RBM6: variants seen among roughly 807,000 people sequenced by gnomAD.
The protein encoded by RBM6 is RNA-binding protein 6.
RBM6 carries 23 observed loss-of-function variants against 140.4 expected under a neutral mutation model. The observed-to-expected ratio is 0.16, with a 90% confidence interval of 0.12 to 0.23. The LOEUF (loss-of-function observed/expected upper bound fraction) is 0.23, where lower values mean the gene tolerates loss of function less well. Among genes scored for constraint, RBM6 ranks in the 10% least tolerant of loss-of-function variants. The pLI is 1.00. For missense variants in RBM6, 1,139 were observed against 1,386.7 expected (o/e 0.82, Z 2.84); for synonymous variants, 439 against 475.6 (o/e 0.92, Z 1.00).
chr3:49,972,263 G>T (rs1419090802), intron 4 of RBM6, 115 bp downstream of exon 4: 1 of 797,632 alleles, frequency 1.3e-6, no homozygotes, highest in Non-Finnish European at 2.0e-6. Flanking sequence ...GAGAAGTCTT[G>T]TGTATTTTTT....
chr3:49,992,325 A>G (rs747400451), intron 5 of RBM6, among the ~76,000 whole-genome samples: 11 of 152,176 alleles, frequency 7.2e-5, no homozygotes, highest in Non-Finnish European at 1.2e-4. Context: ...AAAAATGTTT[A>G]TGGGCCATGT....
chr3:50,048,283 G>A lies in RBM6; in HGVS notation c.1596G>A (p.Glu532=), dbSNP rs201282478. 3.3e-5 allele frequency: 54 copies of A among 1,613,262 alleles called. No individual in the cohort carries two copies. The highest frequency in any genetic ancestry group is 4.2e-5 in the Non-Finnish European group (49 of 1,179,758). The change falls in exon 7 of 21, where the codon GAG becomes GAA. Residue 532 remains glutamate (E), a synonymous_variant. Transcript: ENST00000266022. ...LMIQDKEVTL[E]YVSSLDFWYC... The stretch of plus-strand genomic sequence containing the variant: ...TCCAGGACAAAGAAGTTACCCTGGA[G>A]TATGTATCAAGCCTGGATTTTTGGT...
chr3:50,066,162 G>A (rs913856138), intron 16 of RBM6, 80 bp from the exon 17 acceptor site: 2 of 1,407,754 alleles, frequency 1.4e-6, no homozygotes, highest in South Asian at 2.9e-5. Context: ...GAAATGAGAT[G>A]CCCATATCAG....
At chr3:49,958,072 G>A (rs1414413072) in intron 1 of RBM6, among the ~76,000 whole-genome samples, 1 of 152,046 alleles carries the variant, frequency 6.6e-6, no homozygotes, top group African/African-American at 2.4e-5. Context: ...CCTCAGGTGT[G>A]AGCCACCGCA....
intron 5 of RBM6, among the ~76,000 whole-genome samples, chr3:49,980,113 T>C (rs1285459835): frequency 3.9e-5 from 6 of 152,000 alleles, no homozygotes; most frequent in Non-Finnish European, 8.8e-5. Context: ...CAATTCTGCC[T>C]GCCTTAACTT....
intron 6 of RBM6, among the ~76,000 whole-genome samples, chr3:50,039,892 T>G (rs1464380024): frequency 1.3e-5 from 2 of 152,182 alleles, no homozygotes; most frequent in African/African-American, 2.4e-5. Flanking sequence ...ATTTTGCCTC[T>G]TTGTTTTTGC....
Position 50,036,996 on chromosome 3 carries a change from G to A in RBM6, c.1558-11249G>A, listed in dbSNP as rs541381566. On this transcript the variant is annotated intron_variant, in intron 6 of 20. Coordinates refer to ENST00000266022, the MANE Select transcript of RBM6 (RefSeq NM_005777.3). ...AGACGGGGCTTCACCATGTTGGCCAGTATGGTCTCGATCTCTTGACCTCGT... is the reference window on the plus strand; with the variant it reads ...AGACGGGGCTTCACCATGTTGGCCAATATGGTCTCGATCTCTTGACCTCGT... 2.6e-5 allele frequency among the ~76,000 whole-genome samples: 4 copies of A among 152,138 alleles called. No individual in the cohort carries two copies. In the South Asian group the frequency reaches 8.3e-4, roughly 32 times the overall value.
intron 6 of RBM6, among the ~76,000 whole-genome samples, chr3:50,039,125 AGAATTCT>A (rs750850951): frequency 1.1e-4 from 16 of 152,210 alleles, no homozygotes; most frequent in Non-Finnish European, 1.0e-4. Context: ...TAGAGGTTAT[AGAATTCT>A]GAATTCTGAA....
chr3:49,958,737 C>T (rs2084128920), intron 1 of RBM6, among the ~76,000 whole-genome samples: 1 of 145,888 alleles, frequency 6.9e-6, no homozygotes, highest in Non-Finnish European at 1.5e-5. Context: ...GGCAACAGAG[C>T]GAGACTCCAT....
intron 2 of RBM6, 91 bp downstream of exon 2, chr3:49,962,776 T>C: frequency 2.4e-6 from 3 of 1,255,808 alleles, no homozygotes; most frequent in East Asian, 2.6e-5. Flanking sequence ...ATATTTTCTC[T>C]GTGGAGAAAT....
chr3:50,073,552 C>T (rs1217017672), intron 19 of RBM6, among the ~76,000 whole-genome samples: 4 of 152,124 alleles, frequency 2.6e-5, no homozygotes, highest in Non-Finnish European at 5.9e-5. Context: ...ATTATGTTTC[C>T]AACATATGTA....
chr3:49,973,247 G>A (rs934101174), intron 4 of RBM6, among the ~76,000 whole-genome samples: 3 of 152,052 alleles, frequency 2.0e-5, no homozygotes, highest in African/African-American at 7.2e-5. Context: ...TACCACCTCA[G>A]CCTCCTGAGT....
chr3:50,065,465 T>G, intron 16 of RBM6: 1 of 445,540 alleles, frequency 2.2e-6, no homozygotes, highest in Non-Finnish European at 4.4e-6. Context: ...CAATCTTTCC[T>G]GCCTTTTGGC....
chr3:50,000,251 C>T (rs2086260308), intron 6 of RBM6, among the ~76,000 whole-genome samples: 1 of 151,580 alleles, frequency 6.6e-6, no homozygotes, highest in South Asian at 2.1e-4. Flanking sequence ...ATGGTGCTTC[C>T]TTGGGGAAAG....
chr3:50,075,855 A>C (rs1381895249), intron 20 of RBM6, among the ~76,000 whole-genome samples: 1 of 151,878 alleles, frequency 6.6e-6, no homozygotes, highest in African/African-American at 2.4e-5. Context: ...AGATTGGCTT[A>C]TTTCTCTCCT....
intron 6 of RBM6, among the ~76,000 whole-genome samples, chr3:50,029,523 A>G (rs1426458892): frequency 1.3e-5 from 2 of 152,138 alleles, no homozygotes; most frequent in Non-Finnish European, 2.9e-5. Context: ...TCACGAGGTC[A>G]GGAGTTCGAG....
intron 14 of RBM6, 79 bp downstream of exon 14, chr3:50,061,626 G>A: frequency 7.0e-7 from 1 of 1,438,534 alleles, no homozygotes; most frequent in Non-Finnish European, 9.0e-7. Flanking sequence ...CCCATAATTT[G>A]CTACTTGAGG....
chr3:49,945,212 C>T (rs370050472), intron 1 of RBM6, among the ~76,000 whole-genome samples: 2 of 145,714 alleles, frequency 1.4e-5, no homozygotes, highest in African/African-American at 2.5e-5. Context: ...GGGTCTTGCT[C>T]TGTTGTCCAG....
chr3:49,971,050 T>A (rs781251023), intron 3 of RBM6, among the ~76,000 whole-genome samples: 1 of 152,088 alleles, frequency 6.6e-6, no homozygotes, highest in Non-Finnish European at 1.5e-5. Flanking sequence ...GTGGATCATT[T>A]GAGGTCGTGG....
Sources: gnomAD v4.1 joint callset for allele counts (sites outside exome capture counted in the v4.1 genomes callset) on GRCh38, gnomAD v4.1.1 for gene constraint, MANE v1.5 for transcripts, NCBI Gene and HGNC (gene_info 2026-07-23, HGNC 2026-07-21) for gene names.